Variants in RPL22 observed in about 807,000 individuals in gnomAD.
RPL22 encodes ribosomal protein L22.
In RPL22, 4 loss-of-function variants were observed where a neutral mutation model predicts 16.2. That is an observed-to-expected ratio of 0.25 (90% CI 0.12 to 0.57). The LOEUF (loss-of-function observed/expected upper bound fraction) is 0.57, where lower values mean the gene tolerates loss of function less well. RPL22 is among the 20% of genes least tolerant of loss of function. RPL22 has a pLI of 0.92. For synonymous variants in RPL22, 43 were observed against 54.8 expected (o/e 0.78, Z 0.95); for missense variants, 83 against 156.1 (o/e 0.53, Z 2.49).
In RPL22 at chr1:6,185,750, T is replaced by C; in HGVS notation, c.*922A>G. The C allele has an allele frequency of 4.1e-6, 1 of 241,414 alleles. No homozygotes were observed. The highest frequency in any genetic ancestry group is 8.1e-6 in the Non-Finnish European group (1 of 123,928). The allele number at this position is 241,414 out of a possible 1,614,324, so 15.0% of individuals were successfully genotyped here. ...GCCTTGGTAGCCCCTTTCAGTTGTCTAGCCTCTGCACTGTGGCACACCACT... is the reference window on the plus strand; with the variant it reads ...GCCTTGGTAGCCCCTTTCAGTTGTCCAGCCTCTGCACTGTGGCACACCACT... On this transcript the variant is annotated 3_prime_UTR_variant, in exon 4 of 4. Coordinates refer to ENST00000234875, the MANE Select transcript of RPL22 (RefSeq NM_000983.4).
At chr1:6,199,451 C>A in intron 1 of RPL22, 111 bp downstream of exon 1, 1 of 1,468,044 alleles carries the variant, frequency 6.8e-7, no homozygotes, top group South Asian at 1.3e-5. Flanking sequence ...GCCAGCCCAC[C>A]CCAGCAGGAC....
In RPL22 at chr1:6,185,131, T is replaced by C; in HGVS notation, c.*1541A>G. 2.5e-6 allele frequency: 1 copy of C among 392,198 alleles called. No individual in the cohort carries two copies. 24.3% of individuals were successfully genotyped at this position (392,198 alleles called of 1,614,324 possible). On this transcript the variant is annotated 3_prime_UTR_variant, in exon 4 of 4. Coordinates refer to ENST00000234875, the MANE Select transcript of RPL22 (RefSeq NM_000983.4). Reference sequence around the variant, plus strand: ...CAGTGAGTTTCAATTTTATTACAAGTTTTCAAATCTGGGACTAGTTTCTTT... The same window carrying C: ...CAGTGAGTTTCAATTTTATTACAAGCTTTCAAATCTGGGACTAGTTTCTTT...
In RPL22 at chr1:6,197,734, C is replaced by G. The variant is rs1426605031; in HGVS notation, c.35G>C (p.Gly12Ala). ...APVKKLVVKGGKKKKQVLKFT... is the reference protein window; with the variant it reads ...APVKKLVVKGAKKKKQVLKFT... ...CTTCAGAACTTGCTTCTTTTTTTTG[C>G]CCCCCTTCACCACAAGCTTTTTCTA... Residue 12 changes from glycine to alanine, a missense_variant, in exon 2 of 4, where the codon GGC becomes GCC. Transcript: ENST00000234875. The G allele has an allele frequency of 6.2e-7, 1 of 1,612,094 alleles. No individual in the cohort carries two copies. Among genetic ancestry groups the G allele is most frequent in the Admixed American group, 1.7e-5 (1 of 59,976 alleles).
At chr1:6,190,370 T>C (rs1460860085) in intron 3 of RPL22, among the ~76,000 whole-genome samples, 2 of 152,192 alleles carry the variant, frequency 1.3e-5, no homozygotes, top group African/African-American at 4.8e-5. Flanking sequence ...TGATTTAGTA[T>C]GTTGGTTTTC....
intron 1 of RPL22, chr1:6,197,980 T>C (rs1427216503): frequency 1.7e-6 from 1 of 573,008 alleles, no homozygotes; most frequent in East Asian, 2.9e-5. Flanking sequence ...CATGCCCTTT[T>C]GATGGGGAAA....
chr1:6,192,473 G>A (rs2100904578), intron 3 of RPL22, among the ~76,000 whole-genome samples: 1 of 152,264 alleles, frequency 6.6e-6, no homozygotes, highest in South Asian at 2.1e-4. Flanking sequence ...CAAGGCGGGT[G>A]GATCACTTGA....
At position 6,191,044 on chromosome 1, in the gene RPL22, C is replaced by T. The variant is rs564885504; in HGVS notation, c.242+1886G>A. On this transcript the variant is annotated intron_variant, in intron 3 of 3. Coordinates refer to ENST00000234875, the MANE Select transcript of RPL22 (RefSeq NM_000983.4). ...TTCAAGACCAGTCTGGCCAACACGG[C>T]GAAACCCCGTATCTACTAAAAATAC... Among the ~76,000 whole-genome samples, 45 of 151,764 alleles carry T rather than the reference C, an allele frequency of 3.0e-4. 1 individual carries two copies. Among genetic ancestry groups the T allele is most frequent in the South Asian group, 2.3e-3 (11 of 4,784 alleles).
At chr1:6,197,837 A>G (rs576527395) in intron 1 of RPL22, 81 bp from the exon 2 acceptor site, 287 of 1,000,964 alleles carry the variant, frequency 2.9e-4, no homozygotes, top group Non-Finnish European at 4.2e-4. Flanking sequence ...GAAACGTCAT[A>G]GGTATAAAAG....
At chr1:6,197,810 CA>C in intron 1 of RPL22, 54 bp from the exon 2 acceptor site, 1 of 1,245,460 alleles carries the variant, frequency 8.0e-7, no homozygotes, top group African/African-American at 1.5e-5. Context: ...GTCGGAAAAA[CA>C]AGATTAACAG....
rs1166775983 is a variant in RPL22, at chr1:6,191,567, C to T, written c.242+1363G>A. Among the ~76,000 whole-genome samples the T allele has an allele frequency of 2.0e-5, 3 of 149,130 alleles. No homozygotes were observed. The East Asian group carries it at 5.9e-4, about 29-fold the overall frequency. On this transcript the variant is annotated intron_variant, in intron 3 of 3. Transcript: ENST00000234875. ...GCAGGCGCCTGTAGTCCCAGCTACTCGGGAGGCTGAGGCAGGAGAATGGCG... is the reference window on the plus strand; with the variant it reads ...GCAGGCGCCTGTAGTCCCAGCTACTTGGGAGGCTGAGGCAGGAGAATGGCG...
intron 2 of RPL22, among the ~76,000 whole-genome samples, chr1:6,197,276 C>T (rs1382812727): frequency 2.0e-5 from 3 of 152,158 alleles, no homozygotes; most frequent in African/African-American, 7.2e-5. Flanking sequence ...ATGATCTGCC[C>T]GCCTCAGCCT....
rs116037349 is a variant in RPL22, at chr1:6,188,177, G to A, written c.243-1361C>T. The stretch of plus-strand genomic sequence containing the variant: ...CTCCCATGTAGCTGGGATTACAGGT[G>A]TATAACACCATGTCCAGCTAATTTT... On this transcript the variant is annotated intron_variant, in intron 3 of 3. Coordinates refer to ENST00000234875, the MANE Select transcript of RPL22 (RefSeq NM_000983.4). Among the ~76,000 whole-genome samples the A allele has an allele frequency of 9.3e-3, 1,419 of 152,274 alleles. 25 individuals carry two copies. The highest frequency in any genetic ancestry group is 0.032 in the African/African-American group (1,346 of 41,530).
chr1:6,188,043 G>GGT (rs74312753), intron 3 of RPL22, among the ~76,000 whole-genome samples: 40,529 of 151,934 alleles, frequency 0.27, 9,454 homozygotes, highest in African/African-American at 0.63. Flanking sequence ...ACCACAACAG[G>GGT]GATCATTTAA....
At chr1:6,192,909 A>G (rs1667670734) in intron 3 of RPL22, 21 bp downstream of exon 3, 7 of 1,612,048 alleles carry the variant, frequency 4.3e-6, no homozygotes, top group Non-Finnish European at 5.9e-6. Context: ...CGCAGGCCAC[A>G]CACACACTTC....
At chr1:6,187,623 AAAAC>A (rs1234808762) in intron 3 of RPL22, among the ~76,000 whole-genome samples, 32 of 151,036 alleles carry the variant, frequency 2.1e-4, no homozygotes, top group South Asian at 8.3e-4. Flanking sequence ...CAAAAAAAAA[AAAAC>A]AAAAAAAAAA....
chr1:6,197,347 T>G (rs1667733442), intron 2 of RPL22, among the ~76,000 whole-genome samples: 1 of 152,194 alleles, frequency 6.6e-6, no homozygotes, highest in Non-Finnish European at 1.5e-5. Flanking sequence ...GGGTAACTTT[T>G]AAGTAAAATC....
chr1:6,197,506 C>A, intron 2 of RPL22, 146 bp downstream of exon 2: 1 of 615,904 alleles, frequency 1.6e-6, no homozygotes. Context: ...AACAAGTAAT[C>A]TGCCCACATT....
chr1:6,196,543 T>C lies in RPL22; in HGVS notation c.117+1109A>G, dbSNP rs547418123. Among the ~76,000 whole-genome samples the C allele has an allele frequency of 2.8e-3, 432 of 152,320 alleles. 2 individuals carry two copies. The highest frequency in any genetic ancestry group is 5.2e-3 in the Non-Finnish European group (353 of 68,028). ...GTAATGATACTGATCCTGGCAATAG[T>C]TCAACCTTCTGGAGAATTTAGAGCA... On this transcript the variant is annotated intron_variant, in intron 2 of 3. Coordinates refer to ENST00000234875, the MANE Select transcript of RPL22 (RefSeq NM_000983.4).
chr1:6,194,807 G>A (rs1325949256), intron 2 of RPL22, among the ~76,000 whole-genome samples: 1 of 152,150 alleles, frequency 6.6e-6, no homozygotes, highest in African/African-American at 2.4e-5. Flanking sequence ...AGGATCACTT[G>A]GGCCTATGAG....
Sources: gnomAD v4.1 joint callset for allele counts (sites outside exome capture counted in the v4.1 genomes callset) on GRCh38, gnomAD v4.1.1 for gene constraint, MANE v1.5 for transcripts, NCBI Gene and HGNC (gene_info 2026-07-23, HGNC 2026-07-21) for gene names.